The following TBC1D5 variants were observed in gnomAD, a reference collection of about 807,000 sequenced individuals.
TBC1D5 encodes TBC1 domain family, member 5.
A neutral mutation model predicts 100.3 loss-of-function variants in TBC1D5; 75 were observed. The ratio of observed to expected loss-of-function variants is 0.75; its 90% CI spans 0.62 to 0.91. The LOEUF is 0.91. Among genes scored for constraint, TBC1D5 ranks in the 40% least tolerant of loss-of-function variants. TBC1D5 has a pLI of 0.00. For synonymous variants in TBC1D5, 323 were observed against 325.6 expected (o/e 0.99, Z 0.09); for missense variants, 910 against 942.4 (o/e 0.97, Z 0.45).
At chr3:17,458,917 T>C (rs550900374) in intron 3 of TBC1D5, among the ~76,000 whole-genome samples, 2 of 152,360 alleles carry the variant, frequency 1.3e-5, no homozygotes, top group South Asian at 2.1e-4. Flanking sequence ...CATGCATTGG[T>C]ACCTTCATTC....
intron 3 of TBC1D5, among the ~76,000 whole-genome samples, chr3:17,469,372 A>G (rs2150096296): frequency 6.6e-6 from 1 of 152,324 alleles, no homozygotes; most frequent in Admixed American, 6.5e-5. Flanking sequence ...CAATGTAAAA[A>G]CAGAGATTTC....
At chr3:17,463,594 A>G (rs1234398771) in intron 3 of TBC1D5, among the ~76,000 whole-genome samples, 1 of 152,202 alleles carries the variant, frequency 6.6e-6, no homozygotes, top group African/African-American at 2.4e-5. Context: ...TAAATATAAT[A>G]TTTTAAAAAA....
At chr3:17,245,267 A>C (rs944217542) in intron 16 of TBC1D5, among the ~76,000 whole-genome samples, 1 of 152,202 alleles carries the variant, frequency 6.6e-6, no homozygotes, top group Admixed American at 6.5e-5. Context: ...GTAACTTTGA[A>C]GTTCAGTGTT....
intron 2 of TBC1D5, among the ~76,000 whole-genome samples, chr3:17,596,405 G>C (rs554399767): frequency 6.9e-6 from 1 of 144,884 alleles, no homozygotes; most frequent in East Asian, 2.0e-4. Context: ...TGCAACCTCT[G>C]CCTCCCGGGT....
intron 13 of TBC1D5, among the ~76,000 whole-genome samples, chr3:17,344,611 C>G (rs1252878355): frequency 6.6e-6 from 1 of 152,172 alleles, no homozygotes; most frequent in African/African-American, 2.4e-5. Flanking sequence ...ATCGCCAAGT[C>G]AATCCTAAGC....
intron 1 of TBC1D5, among the ~76,000 whole-genome samples, chr3:17,663,367 G>A (rs957120556): frequency 2.1e-4 from 32 of 150,742 alleles, no homozygotes; most frequent in African/African-American, 7.6e-4. Flanking sequence ...AAATACTGAC[G>A]ACATACTACA....
rs77810522 is a variant in TBC1D5 at position 17,402,318 on chromosome 3, G to C, written c.509+863C>G. Among the ~76,000 whole-genome samples the C allele has an allele frequency of 9.9e-3, 1,503 of 152,190 alleles. 58 individuals carry two copies. Among genetic ancestry groups the C allele is most frequent in the Admixed American group, 0.073 (1,107 of 15,266 alleles). On this transcript the variant is annotated intron_variant, in intron 8 of 21. Transcript: ENST00000253692. ...ACTAGGAGTGGAGCACACAGGCAAA[G>C]CTGCAGAAGTACTTGGAAGAAGCCA... is the stretch of plus-strand genomic sequence containing the variant.
At chr3:17,733,491 T>TGG (rs199783220) in intron 1 of TBC1D5, among the ~76,000 whole-genome samples, 6 of 151,584 alleles carry the variant, frequency 4.0e-5, no homozygotes, top group South Asian at 2.1e-4. Flanking sequence ...AGTAATCACT[T>TGG]GGGGGGGGTG....
chr3:17,556,190 T>G (rs930048509), intron 2 of TBC1D5, among the ~76,000 whole-genome samples: 21 of 152,112 alleles, frequency 1.4e-4, no homozygotes, highest in Admixed American at 9.2e-4. Context: ...AGTTTTTTTG[T>G]ATTTTTAGTT....
chr3:17,163,245 T>G (rs1004888093), intron 21 of TBC1D5, among the ~76,000 whole-genome samples: 3 of 110,072 alleles, frequency 2.7e-5, no homozygotes, highest in African/African-American at 1.2e-4. Context: ...GCAGCCATTT[T>G]CTTTTATTGA....
intron 1 of TBC1D5, chr3:17,646,953 A>C (rs2153708357): frequency 6.6e-6 from 1 of 151,920 alleles, no homozygotes; most frequent in South Asian, 2.1e-4. Flanking sequence ...ATGTCCATGC[A>C]TACATACCCA....
chr3:17,170,627 A>G (rs1198297522), intron 19 of TBC1D5, among the ~76,000 whole-genome samples: 2 of 152,132 alleles, frequency 1.3e-5, no homozygotes, highest in Non-Finnish European at 2.9e-5. Context: ...AGGAACAAGG[A>G]CCAACGGCCT....
At chr3:17,562,840 A>G (rs1282574945) in intron 2 of TBC1D5, among the ~76,000 whole-genome samples, 1 of 152,238 alleles carries the variant, frequency 6.6e-6, no homozygotes. Context: ...TTCCAAAGGG[A>G]CTGTGAGACA....
At chr3:17,538,389 ACTC>A (rs1352217764) in intron 2 of TBC1D5, among the ~76,000 whole-genome samples, 3 of 151,746 alleles carry the variant, frequency 2.0e-5, no homozygotes, top group African/African-American at 7.3e-5. Flanking sequence ...TAAGGGAAAA[ACTC>A]CTCAAGTGAA....
chr3:17,657,945 G>A (rs376757248), intron 1 of TBC1D5, among the ~76,000 whole-genome samples: 24 of 152,316 alleles, frequency 1.6e-4, no homozygotes, highest in African/African-American at 4.8e-4. Flanking sequence ...GTCAGATCAC[G>A]TATAGGATGG....
rs73030324 is a variant in TBC1D5, at chr3:17,659,533, A to C, written c.-100-35620T>G. On this transcript the variant is annotated intron_variant, in intron 1 of 21. Coordinates refer to ENST00000253692, the Ensembl canonical transcript of TBC1D5. ...GTTGCGTATCAACCTATTTAATTTAAAACTACTTTGAATCAATTTATTACA... is the reference window on the plus strand; with the variant it reads ...GTTGCGTATCAACCTATTTAATTTACAACTACTTTGAATCAATTTATTACA... 8.7e-3 allele frequency among the ~76,000 whole-genome samples: 1,325 copies of C among 152,232 alleles called. 17 individuals are homozygous for C. Among genetic ancestry groups the C allele is most frequent in the Non-Finnish European group, 0.013 (915 of 68,012 alleles).
At chr3:17,374,379 G>C in intron 12 of TBC1D5, 92 bp downstream of exon 12, 1 of 1,211,036 alleles carries the variant, frequency 8.3e-7, no homozygotes, top group Non-Finnish European at 1.1e-6. Context: ...CAATAATAAA[G>C]GCTATATACT....
chr3:17,246,712 T>TA (rs2076767007), intron 16 of TBC1D5, among the ~76,000 whole-genome samples: 2 of 152,216 alleles, frequency 1.3e-5, no homozygotes, highest in Non-Finnish European at 2.9e-5. Flanking sequence ...CCTCAACCTT[T>TA]ACCTCATTTT....
At chr3:17,422,883 T>C (rs2094247204) in intron 4 of TBC1D5, among the ~76,000 whole-genome samples, 1 of 152,180 alleles carries the variant, frequency 6.6e-6, no homozygotes, top group East Asian at 1.9e-4. Context: ...GCAAATAAGA[T>C]ACATACAAAT....
Sources: gnomAD v4.1 joint callset for allele counts (sites outside exome capture counted in the v4.1 genomes callset) on GRCh38, gnomAD v4.1.1 for gene constraint, MANE v1.5 for transcripts, NCBI Gene and HGNC (gene_info 2026-07-23, HGNC 2026-07-21) for gene names.